Variants in LSAMP observed in about 807,000 individuals in gnomAD.
LSAMP encodes limbic system-associated membrane protein.
A neutral mutation model predicts 38.6 loss-of-function variants in LSAMP; 7 were observed. The observed-to-expected ratio is 0.18, with a 90% CI of 0.10 to 0.34. LSAMP has a LOEUF of 0.34. Ranked by LOEUF, LSAMP falls within the 10% of genes least tolerant of loss-of-function variation. LSAMP has a pLI of 1.00. For synonymous variants in LSAMP, 154 were observed against 166.8 expected (o/e 0.92, Z 0.59); for missense variants, 313 against 420.0 (o/e 0.75, Z 2.23).
chr3:115,951,357 T>C (rs1938282893), intron 3 of LSAMP, among the ~76,000 whole-genome samples: 1 of 151,920 alleles, frequency 6.6e-6, no homozygotes, highest in South Asian at 2.1e-4. Context: ...TGGGAGAAAA[T>C]ATTCACAAAC....
At position 115,862,100 on chromosome 3, in the gene LSAMP, G is replaced by T. The variant is rs192474189; in HGVS notation, c.515-9483C>A. Among the ~76,000 whole-genome samples, 9 of 152,284 alleles carry T rather than the reference G, an allele frequency of 5.9e-5. No homozygotes were observed. In the East Asian group the frequency reaches 1.5e-3, roughly 26 times the overall value. On this transcript the variant is annotated intron_variant, in intron 3 of 6. Transcript: ENST00000490035. ...TTTTTCTTAAAACCTGGGGGCAGGGGGTTGTTTGGCAGGGACAAATATTAG... is the reference window on the plus strand; with the variant it reads ...TTTTTCTTAAAACCTGGGGGCAGGGTGTTGTTTGGCAGGGACAAATATTAG...
At chr3:115,990,691 A>T (rs932059031) in intron 3 of LSAMP, among the ~76,000 whole-genome samples, 1 of 152,012 alleles carries the variant, frequency 6.6e-6, no homozygotes, top group African/African-American at 2.4e-5. Context: ...GACTGTATCT[A>T]CCTAAAACTC....
intron 3 of LSAMP, among the ~76,000 whole-genome samples, chr3:115,880,789 T>TG (rs1936300653): frequency 6.6e-6 from 1 of 152,088 alleles, no homozygotes; most frequent in South Asian, 2.1e-4. Context: ...CCCAGCACTT[T>TG]GGGAGGCTGA....
chr3:116,401,279 T>C lies in LSAMP; in HGVS notation c.155+43598A>G, dbSNP rs778889212. Among the ~76,000 whole-genome samples the C allele has an allele frequency of 1.2e-4, 18 of 152,212 alleles. No homozygotes were observed. In the South Asian group the frequency reaches 1.2e-3, roughly 11 times the overall value. On this transcript the variant is annotated intron_variant, in intron 1 of 6. Transcript: ENST00000490035. ...TCTTTACATCATACTACAATCTCCCTTGGTGACATTTTTTTTTTCTGAGAT... is the reference window on the plus strand; with the variant it reads ...TCTTTACATCATACTACAATCTCCCCTGGTGACATTTTTTTTTTCTGAGAT...
chr3:116,346,108 A>G (rs2048059756), intron 1 of LSAMP, among the ~76,000 whole-genome samples: 1 of 152,194 alleles, frequency 6.6e-6, no homozygotes, highest in South Asian at 2.1e-4. Flanking sequence ...TCCTAAAAGG[A>G]TTAGACTCTA....
intron 3 of LSAMP, among the ~76,000 whole-genome samples, chr3:115,950,470 C>T (rs951501077): frequency 6.6e-6 from 1 of 151,832 alleles, no homozygotes; most frequent in Non-Finnish European, 1.5e-5. Flanking sequence ...AATCAAAATG[C>T]AAAATCAATC....
chr3:116,135,836 ATCCT>A (rs1228071095), intron 1 of LSAMP, among the ~76,000 whole-genome samples: 1 of 152,178 alleles, frequency 6.6e-6, no homozygotes, highest in Admixed American at 6.5e-5. Flanking sequence ...ATAATTTCTC[ATCCT>A]TCCTTGTTCC....
At chr3:115,872,436 A>G (rs923153385) in intron 3 of LSAMP, among the ~76,000 whole-genome samples, 1 of 152,186 alleles carries the variant, frequency 6.6e-6, no homozygotes, top group Non-Finnish European at 1.5e-5. Flanking sequence ...CAAAGGCAAG[A>G]GGAAAGGCAG....
chr3:115,808,128 CCCTCCCTCCCTCCCTCCCTCCCCCCCTT>C lies in LSAMP; in HGVS notation c.*2161_*2188del, dbSNP rs1933680408. ...TTCCTTCCTCCCTCCCTCCCTCCCT[CCCTCCCTCCCTCCCTCCCTCCCCCCCTT>C]CCCCGTCCCCCCCTCCCTGCCTTCC... On this transcript the variant is annotated 3_prime_UTR_variant, in exon 7 of 7. Coordinates refer to ENST00000490035, the MANE Select transcript of LSAMP (RefSeq NM_002338.5). 1 of 70,814 alleles carries C rather than the reference CCCTCCCTCCCTCCCTCCCTCCCCCCCTT, an allele frequency of 1.4e-5. No individual in the cohort carries two copies. The highest frequency in any genetic ancestry group is 8.7e-4 in the South Asian group (1 of 1,152). 4.4% of individuals were successfully genotyped at this position (70,814 alleles called of 1,614,324 possible).
intron 1 of LSAMP, among the ~76,000 whole-genome samples, chr3:116,143,041 AACT>A (rs1423473345): frequency 6.7e-6 from 1 of 149,244 alleles, no homozygotes; most frequent in Non-Finnish European, 1.5e-5. Flanking sequence ...TATAATATAT[AACT>A]ACATTATATC....
chr3:116,266,440 C>CAACA (rs1297208960), intron 1 of LSAMP, among the ~76,000 whole-genome samples: 1 of 152,132 alleles, frequency 6.6e-6, no homozygotes, highest in East Asian at 1.9e-4. Flanking sequence ...TCAGAGGAAA[C>CAACA]AACACCTGAG....
At chr3:116,126,597 C>T (rs1051349905) in intron 1 of LSAMP, among the ~76,000 whole-genome samples, 3 of 152,104 alleles carry the variant, frequency 2.0e-5, no homozygotes, top group East Asian at 1.9e-4. Flanking sequence ...GGCAGTGGCT[C>T]ATGCATGTAA....
intron 1 of LSAMP, among the ~76,000 whole-genome samples, chr3:116,392,999 C>A (rs2048724262): frequency 6.6e-6 from 1 of 152,162 alleles, no homozygotes; most frequent in Admixed American, 6.5e-5. Context: ...AAGCTGCCCA[C>A]TGGGGGTCTC....
intron 3 of LSAMP, among the ~76,000 whole-genome samples, chr3:116,001,478 G>A (rs1165252302): frequency 6.6e-6 from 1 of 152,274 alleles, no homozygotes; most frequent in African/African-American, 2.4e-5. Context: ...GTGTTAGTTT[G>A]TTATTGCTAT....
chr3:116,131,693 C>T (rs775932418), intron 1 of LSAMP, among the ~76,000 whole-genome samples: 17 of 152,094 alleles, frequency 1.1e-4, no homozygotes, highest in African/African-American at 3.6e-4. Context: ...TAATCTTCCT[C>T]GTTGCTTAGG....
chr3:116,199,511 T>C (rs1242711016), intron 1 of LSAMP, among the ~76,000 whole-genome samples: 4 of 152,198 alleles, frequency 2.6e-5, no homozygotes, highest in Non-Finnish European at 4.4e-5. Flanking sequence ...CCAGAACATA[T>C]CTCAGTTCTT....
chr3:116,340,639 GA>G (rs890419115), intron 1 of LSAMP, among the ~76,000 whole-genome samples: 1 of 151,804 alleles, frequency 6.6e-6, no homozygotes, highest in African/African-American at 2.4e-5. Context: ...ATTTATGTTA[GA>G]AAAAAACTAC....
chr3:115,889,953 A>G (rs1936553497), intron 3 of LSAMP, among the ~76,000 whole-genome samples: 1 of 151,950 alleles, frequency 6.6e-6, no homozygotes, highest in South Asian at 2.1e-4. Context: ...GAACTAGCAA[A>G]AACACACTCT....
At chr3:116,105,272 C>A (rs1708438258) in intron 1 of LSAMP, among the ~76,000 whole-genome samples, 1 of 152,062 alleles carries the variant, frequency 6.6e-6, no homozygotes, top group Non-Finnish European at 1.5e-5. Context: ...TCTAGCCACA[C>A]AGTAGAAGCA....
Sources: gnomAD v4.1 joint callset for allele counts (sites outside exome capture counted in the v4.1 genomes callset) on GRCh38, gnomAD v4.1.1 for gene constraint, MANE v1.5 for transcripts, NCBI Gene and HGNC (gene_info 2026-07-23, HGNC 2026-07-21) for gene names.